The following ABCB10 variants were observed in gnomAD, a reference collection of about 807,000 sequenced individuals.
The protein encoded by ABCB10 is ATP binding cassette subfamily B member 10, also known as ATP-binding cassette sub-family B member 10, mitochondrial.
A neutral mutation model predicts 65.4 loss-of-function variants in ABCB10; 54 were observed. The observed-to-expected ratio is 0.83, with a 90% confidence interval of 0.66 to 1.04. The LOEUF is 1.04. Ranked by LOEUF, ABCB10 falls within the 50% of genes least tolerant of loss-of-function variation. The pLI is 0.00. For synonymous variants in ABCB10, 418 were observed against 406.5 expected (o/e 1.03, Z -0.34); for missense variants, 846 against 976.6 (o/e 0.87, Z 1.78).
At chr1:229,518,470 G>A in intron 12 of ABCB10, 60 bp from the exon 13 acceptor site, 1 of 1,382,092 alleles carries the variant, frequency 7.2e-7, no homozygotes, top group Non-Finnish European at 1.0e-6. Flanking sequence ...TGTGCTTCCT[G>A]ATACACACAG....
rs183973956 is a variant in ABCB10, at chr1:229,552,621, T to C, written c.518-3187A>G. Among the ~76,000 whole-genome samples the C allele has an allele frequency of 4.1e-3, 618 of 152,316 alleles. 4 individuals carry two copies. Among genetic ancestry groups the C allele is most frequent in the Middle Eastern group, 0.02 (6 of 294 alleles). On this transcript the variant is annotated intron_variant, in intron 1 of 12. Transcript: ENST00000344517. ...GGTGGTTGGAGGAAGCTGTACACTGTGCCTACCACCTGCCCACTGCTGAAC... is the reference window on the plus strand; with the variant it reads ...GGTGGTTGGAGGAAGCTGTACACTGCGCCTACCACCTGCCCACTGCTGAAC...
chr1:229,544,231 A>C (rs2102702725), intron 3 of ABCB10, among the ~76,000 whole-genome samples: 1 of 152,096 alleles, frequency 6.6e-6, no homozygotes, highest in East Asian at 1.9e-4. Context: ...GGGCTGGGCA[A>C]CATGGTGAGA....
At position 229,537,798 on chromosome 1, in the gene ABCB10, T is replaced by TAAAC. The variant is rs199948647; in HGVS notation, c.1339+1654_1339+1657dup. On this transcript the variant is annotated intron_variant, in intron 6 of 12. Transcript: ENST00000344517. ...GAGCAAGACTCCATCTCCAAATAAA[T>TAAAC]AAACAAACAAACAAACAAACAAACA... Among the ~76,000 whole-genome samples, 1,386 of 150,932 alleles carry TAAAC rather than the reference T, an allele frequency of 9.2e-3. 24 individuals are homozygous for TAAAC. The highest frequency in any genetic ancestry group is 0.054 in the East Asian group (278 of 5,178).
chr1:229,558,157 G>C lies in ABCB10; in HGVS notation c.496C>G (p.Pro166Ala). Residue 166 changes from proline to alanine, a missense_variant, in exon 1 of 13, where the codon CCT becomes GCT. Coordinates refer to ENST00000344517, the MANE Select transcript of ABCB10 (RefSeq NM_012089.3). ...CTACCTGCCAGCCTCCGGCGCTCAG[G>C]GTACGCCAGCCCCAGGAGCTTCCGG... ...EARKLLGLAY[P>A]ERRRLAAAVG... The C allele has an allele frequency of 7.0e-7, 1 of 1,432,774 alleles. No individual in the cohort carries two copies. The highest frequency in any genetic ancestry group is 1.5e-5 in the African/African-American group (1 of 67,420). 88.8% of individuals were successfully genotyped at this position (1,432,774 alleles called of 1,614,324 possible).
chr1:229,527,264 C>T lies in ABCB10; in HGVS notation c.1690G>A (p.Val564Met), dbSNP rs2102686342. 6.2e-7 allele frequency: 1 copy of T among 1,613,894 alleles called. No individual in the cohort carries two copies. The change falls in exon 9 of 13, where the codon GTG (valine) becomes ATG (methionine). Residue 564 changes from valine (V) to methionine (M), a missense_variant. Physicochemically the swap from Val to Met is conservative, Grantham distance 21. Around this residue, in one of 2 missense-constraint regions of ABCB10, gnomAD observed 632 missense variants for 803.2 expected, o/e 0.79. Coordinates refer to ENST00000344517, the MANE Select transcript of ABCB10 (RefSeq NM_012089.3). Reference protein sequence around the residue: ...DGHDIRQLNPVWLRSKIGTVS... With the variant: ...DGHDIRQLNPMWLRSKIGTVS... ...GTCCCAATTTTGGATCTCAGCCACA[C>T]TGGGTTTAGCTGACGGATGTCATGG...
chr1:229,558,072 C>T (rs1223622800), intron 1 of ABCB10, 64 bp downstream of exon 1: 3 of 1,277,900 alleles, frequency 2.3e-6, no homozygotes, highest in Non-Finnish European at 3.0e-6. Context: ...CTCTCGGCGC[C>T]CCGGGACCCC....
chr1:229,548,666 CTTTTTTTTTT>C lies in ABCB10; in HGVS notation c.718+558_718+567del, dbSNP rs930788850. 1.5e-3 allele frequency among the ~76,000 whole-genome samples: 213 copies of C among 141,086 alleles called. 1 individual carries two copies. Among genetic ancestry groups the C allele is most frequent in the African/African-American group, 5.2e-3 (201 of 38,300 alleles). The allele number at this position is 141,086 out of a possible 152,430, so 92.6% of individuals were successfully genotyped here. On this transcript the variant is annotated intron_variant, in intron 2 of 12. Coordinates refer to ENST00000344517, the MANE Select transcript of ABCB10 (RefSeq NM_012089.3). ...CAGGGGCCTCATTTTCTTTTTTTTT[CTTTTTTTTTT>C]TTTTGAGATGGAGTCTCGCTCTGTC...
Position 229,542,259 on chromosome 1 carries a change from T to A in ABCB10, c.1034A>T (p.Asp345Val). The A allele has an allele frequency of 6.2e-7, 1 of 1,613,994 alleles. No individual in the cohort carries two copies. ...YLRKLTKVTQ[D>V]SLAQATQLAE... ...TACCTGAGTGGCTTGTGCCAGGGAA[T>A]CCTGAGTGACTTTGGTCAGTTTCCG... The change falls in exon 4 of 13, where the codon GAT becomes GTT. Residue 345 changes from aspartate (D) to valine (V), a missense_variant. Around this residue, in one of 2 missense-constraint regions of ABCB10, gnomAD observed 632 missense variants for 803.2 expected, o/e 0.79. Coordinates refer to ENST00000344517, the MANE Select transcript of ABCB10 (RefSeq NM_012089.3).
At chr1:229,522,084 C>G (rs1261988129) in intron 10 of ABCB10, among the ~76,000 whole-genome samples, 1 of 152,160 alleles carries the variant, frequency 6.6e-6, no homozygotes, top group Non-Finnish European at 1.5e-5. Context: ...GTCTCAAGCT[C>G]CTGGGCTCAA....
At chr1:229,548,303 C>T (rs183431484) in intron 2 of ABCB10, among the ~76,000 whole-genome samples, 4 of 152,038 alleles carry the variant, frequency 2.6e-5, no homozygotes, top group African/African-American at 7.2e-5. Flanking sequence ...CACACTTGGC[C>T]GAGATTTTTT....
chr1:229,523,580 G>A (rs1662365449), intron 10 of ABCB10, among the ~76,000 whole-genome samples: 1 of 152,130 alleles, frequency 6.6e-6, no homozygotes, highest in South Asian at 2.1e-4. Flanking sequence ...AGTGCCCTGA[G>A]GTAGGTCCTT....
At chr1:229,534,763 C>T (rs1446792363) in intron 6 of ABCB10, among the ~76,000 whole-genome samples, 6 of 149,542 alleles carry the variant, frequency 4.0e-5, no homozygotes, top group Non-Finnish European at 5.9e-5. Context: ...CCCAGCTACT[C>T]GGGAGGCTGA....
chr1:229,521,541 T>TA (rs750319612), intron 11 of ABCB10, 51 bp downstream of exon 11: 1 of 1,526,090 alleles, frequency 6.6e-7, no homozygotes. Context: ...ACAAGGTCCC[T>TA]AATAAAAATA....
rs1195475836 is a variant in ABCB10, at chr1:229,549,272, G to T, written c.680C>A (p.Ala227Asp). ...GAGGTAGACACGAATGGCATTGGCGGCAGCACCACACAGAAACACGGCACT... is the reference window on the plus strand; with the variant it reads ...GAGGTAGACACGAATGGCATTGGCGTCAGCACCACACAGAAACACGGCACT... Reference protein sequence around the residue: ...GLSAVFLCGAAANAIRVYLMQ... With the variant: ...GLSAVFLCGADANAIRVYLMQ... The change falls in exon 2 of 13, where the codon GCC (alanine) becomes GAC (aspartate). Residue 227 changes from alanine to aspartate, a missense_variant. By Grantham distance (126) the Ala-to-Asp change is moderately radical (BLOSUM62 -2). Transcript: ENST00000344517. 2 of 1,614,114 alleles carry T rather than the reference G, an allele frequency of 1.2e-6. No homozygotes were observed. Among genetic ancestry groups the T allele is most frequent in the Non-Finnish European group, 8.5e-7 (1 of 1,180,010 alleles).
chr1:229,520,470 AAAAAAAAG>A (rs972422298), intron 11 of ABCB10, among the ~76,000 whole-genome samples: 30 of 151,996 alleles, frequency 2.0e-4, no homozygotes, highest in African/African-American at 6.0e-4. Context: ...ACTCTGTCTC[AAAAAAAAG>A]AAAAAAAGAA....
At chr1:229,553,525 G>A (rs1374941573) in intron 1 of ABCB10, among the ~76,000 whole-genome samples, 1 of 152,126 alleles carries the variant, frequency 6.6e-6, no homozygotes, top group Non-Finnish European at 1.5e-5. Flanking sequence ...GCTGGGGACA[G>A]AGGGATAAAG....
Position 229,531,637 on chromosome 1 carries a change from G to A in ABCB10, c.1434C>T (p.Asn478=), listed in dbSNP as rs57503359. 8.7e-6 allele frequency: 14 copies of A among 1,613,518 alleles called. No homozygotes were observed. Among genetic ancestry groups the A allele is most frequent in the Middle Eastern group, 1.7e-4 (1 of 6,020 alleles). ...CAAAGAAACAATTTTCAGACCCACCGTTAAAAGGCAGCTTGGGCTCTCTCT... is the reference window on the plus strand; with the variant it reads ...CAAAGAAACAATTTTCAGACCCACCATTAAAAGGCAGCTTGGGCTCTCTCT... The part of the protein sequence containing the change: ...LLEREPKLPF[N]EGVILNEKSF... The change falls in exon 7 of 13, where the codon AAC becomes AAT. Residue 478 remains asparagine, a splice_region_variant and synonymous_variant. Transcript: ENST00000344517.
At position 229,518,307 on chromosome 1, in the gene ABCB10, T is replaced by C; in HGVS notation, c.2089A>G (p.Asn697Asp). ...TCAAGAACAGCAACCATATTAGCAT[T>C]CTTAATGGTGGACAGACGATGGGCA... Reference protein sequence around the residue: ...VIAHRLSTIKNANMVAVLDQG... With the variant: ...VIAHRLSTIKDANMVAVLDQG... The change falls in exon 13 of 13, where the codon AAT becomes GAT. Residue 697 changes from asparagine (N) to aspartate (D), a missense_variant. By Grantham distance (23) the Asn-to-Asp change is conservative. Around this residue, in one of 2 missense-constraint regions of ABCB10, gnomAD observed 632 missense variants for 803.2 expected, o/e 0.79. Transcript: ENST00000344517. 1 of 1,614,226 alleles carries C rather than the reference T, an allele frequency of 6.2e-7. No homozygotes were observed.
At chr1:229,525,914 A>G (rs773523920) in intron 10 of ABCB10, 22 bp downstream of exon 10, 2 of 1,589,680 alleles carry the variant, frequency 1.3e-6, no homozygotes, top group Admixed American at 1.8e-5. Flanking sequence ...AGACTTTGCT[A>G]CAAAGCAGTA....
Sources: gnomAD v4.1 joint callset for allele counts (sites outside exome capture counted in the v4.1 genomes callset) on GRCh38, gnomAD v4.1.1 for gene constraint, gnomAD v4.1.1 regional missense constraint, MANE v1.5 for transcripts, NCBI Gene and HGNC (gene_info 2026-07-23, HGNC 2026-07-21) for gene names.